ANKHD1: variants seen among roughly 807,000 people sequenced by gnomAD.
ANKHD1 encodes the protein ankyrin repeat and KH domain-containing protein 1.
ANKHD1 carries 31 observed loss-of-function variants against 230.5 expected under a neutral mutation model. The ratio of observed to expected loss-of-function variants is 0.13; its 90% CI spans 0.10 to 0.18. The LOEUF (loss-of-function observed/expected upper bound fraction) is 0.18. Ranked by LOEUF, ANKHD1 falls within the 10% of genes least tolerant of loss-of-function variation. The pLI is 1.00. For missense variants in ANKHD1, 2,256 were observed against 3,071.3 expected (o/e 0.73, Z 6.27); for synonymous variants, 1,074 against 1,117.6 (o/e 0.96, Z 0.78).
At chr5:140,445,604 G>A (rs1774220348) in intron 5 of ANKHD1, 138 bp from the exon 6 acceptor site, 1 of 808,086 alleles carries the variant, frequency 1.2e-6, no homozygotes, top group Non-Finnish European at 1.7e-6. Flanking sequence ...AATTGAAGAG[G>A]TATACCTAGA....
At chr5:140,409,699 C>T (rs1304548251) in intron 1 of ANKHD1, among the ~76,000 whole-genome samples, 2 of 151,864 alleles carry the variant, frequency 1.3e-5, no homozygotes, top group Admixed American at 6.6e-5. Context: ...ACTACAGGCC[C>T]GTGCCACCAC....
chr5:140,415,387 A>G (rs1031990804), intron 1 of ANKHD1, among the ~76,000 whole-genome samples: 6 of 151,942 alleles, frequency 3.9e-5, no homozygotes, highest in Admixed American at 6.6e-5. Flanking sequence ...GTCTTAAGAA[A>G]AAAAAAAAGA....
intron 22 of ANKHD1, 149 bp downstream of exon 22, chr5:140,510,330 T>G: frequency 1.9e-6 from 2 of 1,074,372 alleles, no homozygotes; most frequent in East Asian, 5.6e-5. Flanking sequence ...TTTTTTTTTT[T>G]GAGACGGAGT....
At chr5:140,535,758 C>A in intron 30 of ANKHD1, 3 of 580,606 alleles carry the variant, frequency 5.2e-6, no homozygotes, top group Non-Finnish European at 7.4e-6. Flanking sequence ...GAACTTGGAT[C>A]AAGAAAAGAG....
intron 9 of ANKHD1, among the ~76,000 whole-genome samples, chr5:140,461,216 A>C (rs530925800): frequency 6.6e-6 from 1 of 152,352 alleles, no homozygotes; most frequent in East Asian, 1.9e-4. Flanking sequence ...CAATGATGTT[A>C]TATAACTCCG....
intron 15 of ANKHD1, among the ~76,000 whole-genome samples, chr5:140,500,901 G>T (rs1752270282): frequency 6.6e-6 from 1 of 151,686 alleles, no homozygotes; most frequent in South Asian, 2.1e-4. Context: ...TACAGTTTTT[G>T]ACTTTTTACT....
intron 9 of ANKHD1, among the ~76,000 whole-genome samples, chr5:140,461,109 A>G (rs759628369): frequency 1.2e-4 from 18 of 152,212 alleles, no homozygotes; most frequent in Non-Finnish European, 2.4e-4. Context: ...AATATCAGAC[A>G]TTTTGCTCAG....
Position 140,402,020 on chromosome 5 carries a change from C to T in ANKHD1, c.53C>T (p.Ser18Phe), listed in dbSNP as rs1769981570. Reference protein sequence around the residue: ...GGTSFEEDLDSVAPRSAPAGA... With the variant: ...GGTSFEEDLDFVAPRSAPAGA... ...ACCTCCTTTGAGGAGGACCTGGACT[C>T]TGTGGCTCCGCGATCCGCCCCAGCT... The change falls in exon 1 of 34, where the codon TCT becomes TTT. Residue 18 changes from serine (S) to phenylalanine (F), a missense_variant. Coordinates refer to ENST00000360839, the MANE Select transcript of ANKHD1 (RefSeq NM_017747.3). 6.6e-7 allele frequency: 1 copy of T among 1,513,228 alleles called. No homozygotes were observed. 93.7% of individuals were successfully genotyped at this position (1,513,228 alleles called of 1,614,324 possible).
In ANKHD1 at chr5:140,527,231, C is replaced by G; in HGVS notation, c.5087+157C>G. 1 of 1,216,606 alleles carries G rather than the reference C, an allele frequency of 8.2e-7. No homozygotes were observed. Among genetic ancestry groups the G allele is most frequent in the Non-Finnish European group, 1.1e-6 (1 of 938,606 alleles). 75.4% of individuals were successfully genotyped at this position (1,216,606 alleles called of 1,614,324 possible). On this transcript the variant is annotated intron_variant, in intron 27 of 33. Coordinates refer to ENST00000360839, the MANE Select transcript of ANKHD1 (RefSeq NM_017747.3). The surrounding 1 kb of genome is among the most constrained non-coding windows in gnomAD (Gnocchi z 4.5). The stretch of plus-strand genomic sequence containing the variant: ...GAATATGCTAAAGCAAAATTAGAAG[C>G]AGTATGTAAATTTTGCATGCATATT...
At chr5:140,518,152 A>G (rs1383123173) in intron 24 of ANKHD1, among the ~76,000 whole-genome samples, 1 of 152,206 alleles carries the variant, frequency 6.6e-6, no homozygotes, top group Non-Finnish European at 1.5e-5. Context: ...AGAGAATACT[A>G]CAAACACCTC....
rs756204793 is a variant in ANKHD1 at position 140,506,905 on chromosome 5, G to A, written c.3479G>A (p.Ser1160Asn). The change falls in exon 19 of 34, where the codon AGT becomes AAT. Residue 1160 changes from serine to asparagine, a missense_variant. Around this residue, in one of 13 missense-constraint regions of ANKHD1, gnomAD observed 15 missense variants for 63.7 expected, o/e 0.24. Transcript: ENST00000360839. The surrounding 1 kb of genome is among the most constrained non-coding windows in gnomAD (Gnocchi z 4.7). ...HRNVSDYTPL[S>N]LAASGGYVNI... ...AACGTATCTGATTATACACCACTGA[G>A]TCTAGCTGCGTCTGGAGGATATGTT... 6.2e-7 allele frequency: 1 copy of A among 1,614,106 alleles called. No individual in the cohort carries two copies. Among genetic ancestry groups the A allele is most frequent in the Non-Finnish European group, 8.5e-7 (1 of 1,179,998 alleles).
At position 140,401,933 on chromosome 5, in the gene ANKHD1, T is replaced by G. The variant is rs1473990411; in HGVS notation, c.-35T>G. 6.5e-7 allele frequency: 1 copy of G among 1,530,300 alleles called. No individual in the cohort carries two copies. The highest frequency in any genetic ancestry group is 1.2e-5 in the South Asian group (1 of 80,806). The allele number at this position is 1,530,300 out of a possible 1,614,324, so 94.8% of individuals were successfully genotyped here. ...GATCAGCGGCGGCGGTGACCGCGAG[T>G]GGGTCGGCACCGTCTCCGGCTCCGG... On this transcript the variant is annotated 5_prime_UTR_variant, in exon 1 of 34. Coordinates refer to ENST00000360839, the MANE Select transcript of ANKHD1 (RefSeq NM_017747.3).
chr5:140,402,584 C>T (rs769806722), intron 1 of ANKHD1, among the ~76,000 whole-genome samples: 1 of 152,114 alleles, frequency 6.6e-6, no homozygotes, highest in East Asian at 1.9e-4. Context: ...GGGTGGGGGG[C>T]GGGGTCTTGC....
intron 9 of ANKHD1, among the ~76,000 whole-genome samples, chr5:140,459,931 T>A (rs1032327089): frequency 6.6e-6 from 1 of 152,200 alleles, no homozygotes; most frequent in African/African-American, 2.4e-5. Context: ...AACTGATTTT[T>A]AAAAAGATTT....
At chr5:140,509,001 C>A (rs1752651285) in intron 20 of ANKHD1, among the ~76,000 whole-genome samples, 1 of 152,074 alleles carries the variant, frequency 6.6e-6, no homozygotes. Context: ...CTGGAAATCT[C>A]GTACTTCTTC....
At chr5:140,489,482 T>TATAAATAA (rs530084649) in intron 14 of ANKHD1, among the ~76,000 whole-genome samples, 4 of 151,774 alleles carry the variant, frequency 2.6e-5, no homozygotes, top group African/African-American at 4.8e-5. Context: ...AGCCTCAAAA[T>TATAAATAA]ATAAATAAAT....
Position 140,528,546 on chromosome 5 carries a change from T to A in ANKHD1, c.5600T>A (p.Ile1867Asn), listed in dbSNP as rs758479682. ...ALLAAQTMQQIRHPRLPMAQF... is the reference protein window; with the variant it reads ...ALLAAQTMQQNRHPRLPMAQF... ...CTGGCTGCTCAAACTATGCAACAGA[T>A]TCGGCATCCTCGCTTACCCATGGCC... The change falls in exon 29 of 34, where the codon ATT becomes AAT. Residue 1867 changes from isoleucine to asparagine, a missense_variant. By Grantham distance (149) the Ile-to-Asn change is moderately radical. This residue lies in a region of ANKHD1 where 778 missense variants were observed against 966.5 expected (regional missense o/e 0.80). Coordinates refer to ENST00000360839, the MANE Select transcript of ANKHD1 (RefSeq NM_017747.3). 6.2e-7 allele frequency: 1 copy of A among 1,614,236 alleles called. No homozygotes were observed. Among genetic ancestry groups the A allele is most frequent in the Non-Finnish European group, 8.5e-7 (1 of 1,180,042 alleles).
chr5:140,461,048 A>G lies in ANKHD1; in HGVS notation c.1672+1693A>G, dbSNP rs376840409. 2.6e-5 allele frequency among the ~76,000 whole-genome samples: 4 copies of G among 152,272 alleles called. No individual in the cohort carries two copies. The South Asian group carries it at 6.2e-4, about 24-fold the overall frequency. On this transcript the variant is annotated intron_variant, in intron 9 of 33. Transcript: ENST00000360839. ...CCCTCTCTTAAGCTAAAGTCGTGCTATTGTAACGTGTTTTTAAAAGAAGGA... is the reference window on the plus strand; with the variant it reads ...CCCTCTCTTAAGCTAAAGTCGTGCTGTTGTAACGTGTTTTTAAAAGAAGGA...
chr5:140,425,140 C>T (rs150303604), intron 1 of ANKHD1, among the ~76,000 whole-genome samples: 14 of 152,228 alleles, frequency 9.2e-5, no homozygotes, highest in African/African-American at 2.9e-4. Context: ...TTTTTGTGTT[C>T]GAGCAAAGTG....
Sources: gnomAD v4.1 joint callset for allele counts (sites outside exome capture counted in the v4.1 genomes callset) on GRCh38, gnomAD v4.1.1 for gene constraint, gnomAD v4.1.1 regional missense constraint, Gnocchi (gnomAD v3.1) non-coding constraint, MANE v1.5 for transcripts, NCBI Gene and HGNC (gene_info 2026-07-23, HGNC 2026-07-21) for gene names.